Variants in CFAP77 observed in about 807,000 individuals in gnomAD.
CFAP77 encodes the protein cilia- and flagella-associated protein 77.
Under a neutral mutation model 31.1 loss-of-function variants are expected in CFAP77, and 25 were observed. That is an observed-to-expected ratio of 0.80 (90% confidence interval 0.59 to 1.12). The LOEUF (loss-of-function observed/expected upper bound fraction) is 1.12, where lower values mean the gene tolerates loss of function less well. Ranked by LOEUF, CFAP77 falls within the 50% of genes most tolerant of loss-of-function variation. CFAP77 has a pLI of 0.00. For missense variants in CFAP77, 377 were observed against 397.3 expected (o/e 0.95, Z 0.44); for synonymous variants, 151 against 159.9 (o/e 0.94, Z 0.42).
intron 1 of CFAP77, among the ~76,000 whole-genome samples, chr9:132,494,633 T>C (rs975985800): frequency 2.0e-5 from 3 of 151,788 alleles, no homozygotes; most frequent in African/African-American, 4.9e-5. Context: ...GACAGGCATA[T>C]ATTTAGCTTC....
chr9:132,459,360 C>T (rs929791402), intron 1 of CFAP77, among the ~76,000 whole-genome samples: 4 of 152,166 alleles, frequency 2.6e-5, no homozygotes, highest in South Asian at 4.1e-4. Flanking sequence ...AGTGAACCAC[C>T]GCGCCCGGCC....
At chr9:132,487,258 G>C (rs1851577741) in intron 1 of CFAP77, among the ~76,000 whole-genome samples, 1 of 152,186 alleles carries the variant, frequency 6.6e-6, no homozygotes, top group African/African-American at 2.4e-5. Context: ...ACTTACCCAA[G>C]GTCACACGGG....
chr9:132,428,285 C>T lies in CFAP77; in HGVS notation c.195+17819C>T, dbSNP rs184166588. The stretch of plus-strand genomic sequence containing the variant: ...TTGGCCTCTCAAAGCGCTGGGATTA[C>T]AGGTGTGAGCCACTGCGCCCAGCCA... On this transcript the variant is annotated intron_variant, in intron 1 of 5. Transcript: ENST00000393216. 5.1e-3 allele frequency among the ~76,000 whole-genome samples: 769 copies of T among 151,904 alleles called. 4 individuals carry two copies. Among genetic ancestry groups the T allele is most frequent in the African/African-American group, 0.017 (703 of 41,486 alleles).
intron 1 of CFAP77, among the ~76,000 whole-genome samples, chr9:132,440,558 A>T (rs900039151): frequency 6.6e-6 from 1 of 152,164 alleles, no homozygotes; most frequent in Non-Finnish European, 1.5e-5. Context: ...GAGTGGTGAA[A>T]CCAAGATCTG....
intron 3 of CFAP77, among the ~76,000 whole-genome samples, chr9:132,514,707 C>G (rs1402079627): frequency 6.6e-6 from 1 of 152,172 alleles, no homozygotes; most frequent in Non-Finnish European, 1.5e-5. Flanking sequence ...AGGTGTGTGC[C>G]GCTAACCAAG....
chr9:132,543,188 CTAA>C, intron 5 of CFAP77, 141 bp downstream of exon 5: 1 of 677,378 alleles, frequency 1.5e-6, no homozygotes, highest in Non-Finnish European at 2.6e-6. Context: ...ATCGCAACAG[CTAA>C]TGTTTCCTGA....
At chr9:132,507,362 A>G (rs1379665461) in intron 3 of CFAP77, among the ~76,000 whole-genome samples, 1 of 152,184 alleles carries the variant, frequency 6.6e-6, no homozygotes, top group Non-Finnish European at 1.5e-5. Context: ...TTAGATCAGC[A>G]CTAATTAGCC....
chr9:132,410,984 A>G (rs1849984992), intron 1 of CFAP77, among the ~76,000 whole-genome samples: 1 of 152,122 alleles, frequency 6.6e-6, no homozygotes, highest in African/African-American at 2.4e-5. Context: ...CTAATTTCTT[A>G]CCCAAATTAC....
intron 1 of CFAP77, among the ~76,000 whole-genome samples, chr9:132,448,986 G>T (rs1272996253): frequency 6.6e-6 from 1 of 152,194 alleles, no homozygotes; most frequent in East Asian, 1.9e-4. Context: ...CTATGACGTG[G>T]AGATGAGGTT....
chr9:132,481,972 G>T lies in CFAP77; in HGVS notation c.196-16723G>T, dbSNP rs77536043. 1.0e-4 allele frequency among the ~76,000 whole-genome samples: 15 copies of T among 146,520 alleles called. No individual in the cohort carries two copies. Among genetic ancestry groups the T allele is most frequent in the Non-Finnish European group, 6.1e-5 (4 of 65,564 alleles). On this transcript the variant is annotated intron_variant, in intron 1 of 5. Coordinates refer to ENST00000393216, the MANE Select transcript of CFAP77 (RefSeq NM_001282957.2). The surrounding 1 kb of genome is among the most constrained non-coding windows in gnomAD (Gnocchi z 5.0). ...AGGGTTTATGGTTGGGGGGGGGGGG[G>T]GCGGCGGAACACTGAACATTTTTCT...
At chr9:132,445,561 T>G (rs1430486567) in intron 1 of CFAP77, among the ~76,000 whole-genome samples, 1 of 152,188 alleles carries the variant, frequency 6.6e-6, no homozygotes, top group Non-Finnish European at 1.5e-5. Context: ...CACAGGTTAT[T>G]GGCTTTTGAA....
Position 132,453,246 on chromosome 9 carries a change from C to T in CFAP77, c.195+42780C>T, listed in dbSNP as rs529303462. Among the ~76,000 whole-genome samples, 6 of 152,230 alleles carry T rather than the reference C, an allele frequency of 3.9e-5. No homozygotes were observed. The South Asian group carries it at 1.0e-3, about 26-fold the overall frequency. On this transcript the variant is annotated intron_variant, in intron 1 of 5. Coordinates refer to ENST00000393216, the MANE Select transcript of CFAP77 (RefSeq NM_001282957.2). ...AGCTTTTTAAAAAGCCAATATAGGC[C>T]GGGCGCAGTGGCTCACACCTGTAAT...
At position 132,495,969 on chromosome 9, in the gene CFAP77, C is replaced by T. The variant is rs1472808580; in HGVS notation, c.196-2726C>T. Among the ~76,000 whole-genome samples, 1 of 152,178 alleles carries T rather than the reference C, an allele frequency of 6.6e-6. No homozygotes were observed. The highest frequency in any genetic ancestry group is 1.5e-5 in the Non-Finnish European group (1 of 68,022). ...CTCCAGAACTTTGAGAAATAAATGT[C>T]TATTGTTGAAGCCACCCAGTCAATG... On this transcript the variant is annotated intron_variant, in intron 1 of 5. Transcript: ENST00000393216. This position sits in a 1 kb window ranked among gnomAD's most constrained non-coding sequence, Gnocchi z 4.2.
intron 1 of CFAP77, among the ~76,000 whole-genome samples, chr9:132,421,311 A>G (rs1850212179): frequency 6.6e-6 from 1 of 150,450 alleles, no homozygotes; most frequent in Non-Finnish European, 1.5e-5. Context: ...GTCTTGACAC[A>G]AAGATTAGCA....
intron 1 of CFAP77, among the ~76,000 whole-genome samples, chr9:132,461,407 A>G (rs1272289828): frequency 3.3e-5 from 5 of 152,306 alleles, no homozygotes; most frequent in African/African-American, 9.6e-5. Flanking sequence ...GCCAACTACA[A>G]TTTGGCTAAT....
rs763910119 is a variant in CFAP77, at chr9:132,469,838, A to ATTTTTTT, written c.196-28845_196-28839dup. Among the ~76,000 whole-genome samples, 303 of 128,762 alleles carry ATTTTTTT rather than the reference A, an allele frequency of 2.4e-3. 7 individuals are homozygous for ATTTTTTT. Among genetic ancestry groups the ATTTTTTT allele is most frequent in the African/African-American group, 8.4e-3 (261 of 31,158 alleles). 84.5% of individuals were successfully genotyped at this position (128,762 alleles called of 152,430 possible). On this transcript the variant is annotated intron_variant, in intron 1 of 5. Coordinates refer to ENST00000393216, the MANE Select transcript of CFAP77 (RefSeq NM_001282957.2). ...TTCAGACTCTGCCAGTTGCTCCGTG[A>ATTTTTTT]TTTTTTTTTTTTTTTTTTGAGATGG... is the stretch of plus-strand genomic sequence containing the variant.
chr9:132,473,217 C>T (rs1206218478), intron 1 of CFAP77, among the ~76,000 whole-genome samples: 1 of 152,166 alleles, frequency 6.6e-6, no homozygotes, highest in Non-Finnish European at 1.5e-5. Flanking sequence ...AGGGATCTGC[C>T]TCCCACCCAA....
chr9:132,551,282 CT>C (rs35744884), intron 5 of CFAP77, among the ~76,000 whole-genome samples: 2,699 of 143,054 alleles, frequency 0.019, 57 homozygotes, highest in African/African-American at 0.059. Flanking sequence ...CCTGGGTGCC[CT>C]TTTTTTTTTT....
At chr9:132,534,525 T>C (rs549438680) in intron 3 of CFAP77, among the ~76,000 whole-genome samples, 3 of 145,878 alleles carry the variant, frequency 2.1e-5, no homozygotes, top group Non-Finnish European at 4.5e-5. Context: ...GGCAGGAGAA[T>C]GGCGTGAACC....
Sources: allele counts gnomAD v4.1 joint callset (sites outside exome capture counted in the v4.1 genomes callset), GRCh38; gene constraint gnomAD v4.1.1; non-coding constraint Gnocchi (gnomAD v3.1); transcripts MANE v1.5; gene names NCBI Gene and HGNC (gene_info 2026-07-23, HGNC 2026-07-21).